The following NEK6 variants were observed in gnomAD, a reference collection of about 807,000 sequenced individuals.
NEK6 encodes the protein NIMA related kinase 6.
In NEK6, 27 loss-of-function variants were observed where a neutral mutation model predicts 43.5. The observed-to-expected ratio is 0.62, with a 90% CI of 0.46 to 0.86. The LOEUF is 0.86. Among genes scored for constraint, NEK6 ranks in the 40% least tolerant of loss-of-function variants. The pLI is 0.00. For missense variants in NEK6, 318 were observed against 414.4 expected (o/e 0.77, Z 2.02); for synonymous variants, 167 against 164.1 (o/e 1.02, Z -0.14).
At chr9:124,340,498 C>T (rs1554855975) in intron 8 of NEK6, among the ~76,000 whole-genome samples, 1 of 152,208 alleles carries the variant, frequency 6.6e-6, no homozygotes, top group Non-Finnish European at 1.5e-5. Context: ...CCCTCCGCAT[C>T]TATAAGATGG....
rs749951084 is a variant in NEK6, at chr9:124,347,695, C to T, written c.718-14C>T. 1.3e-6 allele frequency: 2 copies of T among 1,535,508 alleles called. No homozygotes were observed. The highest frequency in any genetic ancestry group is 2.3e-5 in the South Asian group (2 of 85,652). ...AGGCCGAAAGCTTATCTTCGTTGTTCCCGTCCCTTGCAGATGGCAGCCCTC... is the reference window on the plus strand; with the variant it reads ...AGGCCGAAAGCTTATCTTCGTTGTTTCCGTCCCTTGCAGATGGCAGCCCTC... On this transcript the variant is annotated splice_polypyrimidine_tract_variant and intron_variant, in intron 8 of 9. Coordinates refer to ENST00000320246, the MANE Select transcript of NEK6 (RefSeq NM_014397.6).
intron 1 of NEK6, among the ~76,000 whole-genome samples, chr9:124,279,418 C>T (rs1831798455): frequency 6.6e-6 from 1 of 151,884 alleles, no homozygotes; most frequent in African/African-American, 2.4e-5. Context: ...TCTCCTGCCT[C>T]AGCCACCCGA....
At chr9:124,344,064 G>A (rs1358833886) in intron 8 of NEK6, among the ~76,000 whole-genome samples, 5 of 152,146 alleles carry the variant, frequency 3.3e-5, no homozygotes, top group Non-Finnish European at 7.4e-5. Context: ...CATGGAAAAT[G>A]GAGAGGCCAC....
chr9:124,292,756 A>C (rs1182853642), intron 1 of NEK6: 1 of 1,235,616 alleles, frequency 8.1e-7, no homozygotes, highest in Admixed American at 2.9e-5. Flanking sequence ...GTACTGAGTC[A>C]GCAACCAGTT....
chr9:124,291,739 T>G (rs1389531085), intron 1 of NEK6: 2 of 830,374 alleles, frequency 2.4e-6, no homozygotes, highest in Non-Finnish European at 2.9e-6. Context: ...AAAGGACCCT[T>G]GTCCCTCCCT....
In NEK6 at chr9:124,313,905, T is replaced by G; in HGVS notation, c.232-18T>G. Reference sequence around the variant, plus strand: ...ACAGATTGTAACCACTCTATTTCTCTTTTTCCTCCCGCCCAAGATCTTTGA... The same window carrying G: ...ACAGATTGTAACCACTCTATTTCTCGTTTTCCTCCCGCCCAAGATCTTTGA... On this transcript the variant is annotated intron_variant, in intron 3 of 9. Coordinates refer to ENST00000320246, the MANE Select transcript of NEK6 (RefSeq NM_014397.6). 1 of 1,613,912 alleles carries G rather than the reference T, an allele frequency of 6.2e-7. No individual in the cohort carries two copies. The highest frequency in any genetic ancestry group is 8.5e-7 in the Non-Finnish European group (1 of 1,179,830).
intron 1 of NEK6, chr9:124,293,099 G>T: frequency 7.5e-7 from 1 of 1,334,138 alleles, no homozygotes; most frequent in Non-Finnish European, 9.7e-7. Context: ...GAGTGAGACC[G>T]CAGCTCTCCC....
Position 124,321,460 on chromosome 9 carries a change from A to T in NEK6, c.296A>T (p.Gln99Leu), listed in dbSNP as rs1834060591. 1 of 1,608,550 alleles carries T rather than the reference A, an allele frequency of 6.2e-7. No homozygotes were observed. The highest frequency in any genetic ancestry group is 1.7e-5 in the Admixed American group (1 of 59,938). ...TTCCCTCTTTCCCTCCTCATGCAGC[A>T]ACTGAACCACCCAAATATCATCAAG... ...DCVKEIGLLK[Q>L]LNHPNIIKYL... is the part of the protein sequence containing the mutation. Residue 99 changes from glutamine to leucine, a missense_variant and splice_region_variant, in exon 5 of 10, where the codon CAA becomes CTA. Physicochemically the swap from Gln to Leu is moderately radical, Grantham distance 113 (BLOSUM62 -2). This residue lies in a region of NEK6 where 239 missense variants were observed against 344.4 expected (regional missense o/e 0.69). Transcript: ENST00000320246.
At chr9:124,323,428 A>G (rs973565642) in intron 5 of NEK6, among the ~76,000 whole-genome samples, 4 of 152,200 alleles carry the variant, frequency 2.6e-5, no homozygotes, top group African/African-American at 4.8e-5. Context: ...ATGGCGGTGA[A>G]CAAACGTGGT....
intron 1 of NEK6, among the ~76,000 whole-genome samples, chr9:124,267,847 C>T (rs1201582174): frequency 6.6e-6 from 1 of 152,260 alleles, no homozygotes; most frequent in African/African-American, 2.4e-5. Flanking sequence ...TACTTGTACT[C>T]TGAGCTAACA....
chr9:124,339,926 G>A (rs1033047600), intron 8 of NEK6, among the ~76,000 whole-genome samples: 1 of 152,008 alleles, frequency 6.6e-6, no homozygotes, highest in Non-Finnish European at 1.5e-5. Flanking sequence ...GGGAGCACAG[G>A]CCAGGCATCT....
chr9:124,284,391 G>A (rs927023079), intron 1 of NEK6, among the ~76,000 whole-genome samples: 1 of 152,264 alleles, frequency 6.6e-6, no homozygotes, highest in Non-Finnish European at 1.5e-5. Context: ...GACTGATGGA[G>A]TCCTTGGGGA....
Position 124,350,906 on chromosome 9 carries a change from C to T in NEK6, c.901C>T (p.Gln301Ter). 1 of 1,611,592 alleles carries T rather than the reference C, an allele frequency of 6.2e-7. No individual in the cohort carries two copies. Among genetic ancestry groups the T allele is most frequent in the Non-Finnish European group, 8.5e-7 (1 of 1,179,954 alleles). ...HQRPDIGYVH[Q>*]VAKQMHIWMS... ...GAGACCTGACATCGGATACGTGCAC[C>T]AGGTGGCCAAGCAGATGCACATCTG... The change falls in exon 10 of 10, where the codon CAG becomes TAG. Residue 301 changes from glutamine (Q) to a stop codon, truncating the protein, a stop_gained. Transcript: ENST00000320246. LOFTEE classifies it high-confidence loss of function.
At chr9:124,261,706 G>T (rs780441691) in intron 1 of NEK6, 1 of 559,812 alleles carries the variant, frequency 1.8e-6, no homozygotes. Flanking sequence ...GGACCTGTGT[G>T]GTTTGGGCCA....
rs754561664 is a variant in NEK6 at position 124,314,023 on chromosome 9, G to A, written c.294+38G>A. 5.3e-5 allele frequency: 85 copies of A among 1,605,256 alleles called. 1 individual carries two copies. The highest frequency in any genetic ancestry group is 4.0e-4 in the South Asian group (36 of 90,670). Reference sequence around the variant, plus strand: ...GGCCGAGCGGGAGCTTTGCCTCCTCGGGGAGGTTCTGGGGCCGCGGCTGGG... The same window carrying A: ...GGCCGAGCGGGAGCTTTGCCTCCTCAGGGAGGTTCTGGGGCCGCGGCTGGG... On this transcript the variant is annotated intron_variant, in intron 4 of 9. Coordinates refer to ENST00000320246, the MANE Select transcript of NEK6 (RefSeq NM_014397.6).
chr9:124,320,491 G>T (rs113214380), intron 4 of NEK6, among the ~76,000 whole-genome samples: 3 of 152,136 alleles, frequency 2.0e-5, no homozygotes, highest in Non-Finnish European at 2.9e-5. Flanking sequence ...GCTCACTATC[G>T]GCCTCTGGTG....
chr9:124,329,303 G>A (rs550938744), intron 7 of NEK6, among the ~76,000 whole-genome samples: 12 of 152,316 alleles, frequency 7.9e-5, no homozygotes, highest in Middle Eastern at 3.4e-3. Flanking sequence ...AGTTAGAACC[G>A]CTGCGTCCTG....
chr9:124,307,643 G>A (rs543888764), intron 2 of NEK6, among the ~76,000 whole-genome samples: 7 of 152,300 alleles, frequency 4.6e-5, no homozygotes, highest in East Asian at 1.9e-4. Flanking sequence ...GAGGGCCTCC[G>A]TGCCCTGGCA....
Position 124,275,983 on chromosome 9 carries a change from G to A in NEK6, c.-30+17898G>A, listed in dbSNP as rs527868777. On this transcript the variant is annotated intron_variant, in intron 1 of 9. Transcript: ENST00000320246. This position sits in a 1 kb window ranked among gnomAD's most constrained non-coding sequence, Gnocchi z 4.4. ...AAACGACAGTTAGGTTTGATCCTGC[G>A]GGAGGTGGGTGTTTGGAAAGGTTTT... Among the ~76,000 whole-genome samples the A allele has an allele frequency of 1.7e-4, 26 of 152,210 alleles. No homozygotes were observed. Among genetic ancestry groups the A allele is most frequent in the Non-Finnish European group, 2.8e-4 (19 of 68,040 alleles).
Sources: allele counts gnomAD v4.1 joint callset (sites outside exome capture counted in the v4.1 genomes callset), GRCh38; gene constraint gnomAD v4.1.1; regional missense constraint gnomAD v4.1.1; non-coding constraint Gnocchi (gnomAD v3.1); transcripts MANE v1.5; gene names NCBI Gene and HGNC (gene_info 2026-07-23, HGNC 2026-07-21).